FAAH2: variants seen among roughly 807,000 people sequenced by gnomAD.
FAAH2 encodes fatty-acid amide hydrolase 2.
Under a neutral mutation model 36.9 loss-of-function variants are expected in FAAH2, and 60 were observed. That is an observed-to-expected ratio of 1.63 (90% confidence interval 1.32 to 2.02). The LOEUF (loss-of-function observed/expected upper bound fraction) is 2.02. Among genes scored for constraint, FAAH2 ranks in the 30% most tolerant of loss-of-function variants. The pLI is 0.00. For synonymous variants in FAAH2, 214 were observed against 143.8 expected, an observed-to-expected ratio of 1.49 and a Z score of -3.49; for missense variants, 689 against 397.5, an observed-to-expected ratio of 1.73 and a Z score of -6.23.
the FAAH2 span, among the ~76,000 whole-genome samples, chrX:57,261,782 G>A: frequency 9.1e-6 from 1 of 110,366 alleles, no homozygotes; most frequent in Admixed American, 9.7e-5. Context: ...TGAAAGATAA[G>A]TTTAAAGGTA....
intron 8 of FAAH2, among the ~76,000 whole-genome samples, chrX:57,432,811 G>T (rs769185900): frequency 1.8e-4 from 20 of 110,963 alleles, no homozygotes; most frequent in Non-Finnish European, 3.2e-4. Context: ...GTTATCTTGG[G>T]CAAGTTACTT....
chrX:57,185,400 C>G, the FAAH2 span, among the ~76,000 whole-genome samples: 1 of 110,561 alleles, frequency 9.0e-6, no homozygotes, highest in Non-Finnish European at 1.9e-5. Flanking sequence ...ATCCTTGTTG[C>G]AAATTAAAGG....
chrX:57,347,126 A>G (rs755186706), intron 5 of FAAH2, among the ~76,000 whole-genome samples: 2 of 111,534 alleles, frequency 1.8e-5, no homozygotes, highest in African/African-American at 6.5e-5. Context: ...AAGATTAGGA[A>G]AATTTTTATG....
chrX:57,205,976 T>C, the FAAH2 span, among the ~76,000 whole-genome samples: 1 of 112,005 alleles, frequency 8.9e-6, no homozygotes, highest in Non-Finnish European at 1.9e-5. Context: ...TTAGAGTCTG[T>C]GAATTAGTAT....
At chrX:57,371,855 T>C (rs758812888) in intron 5 of FAAH2, among the ~76,000 whole-genome samples, 1 of 111,723 alleles carries the variant, frequency 9.0e-6, no homozygotes, top group East Asian at 2.8e-4. Flanking sequence ...TATGTCAATG[T>C]TTACCCAATG....
intron 8 of FAAH2, among the ~76,000 whole-genome samples, chrX:57,439,485 G>C (rs1281193007): frequency 9.0e-6 from 1 of 111,649 alleles, no homozygotes; most frequent in Non-Finnish European, 1.9e-5. Context: ...GGAGTCCATT[G>C]TAGATTCTGG....
chrX:57,131,893 G>T, the FAAH2 span, among the ~76,000 whole-genome samples: 7 of 112,122 alleles, frequency 6.2e-5, no homozygotes, highest in Non-Finnish European at 1.9e-5. Context: ...CTAAGGAAAA[G>T]AGTTGGAGGA....
At chrX:57,403,655 G>C (rs186802614) in intron 7 of FAAH2, among the ~76,000 whole-genome samples, 2 of 112,396 alleles carry the variant, frequency 1.8e-5, no homozygotes, top group African/African-American at 6.5e-5. Context: ...CAAACAGCTC[G>C]CACGTTTGAG....
rs1373885979 is a variant in FAAH2, at chrX:57,310,676, A to G, written c.359A>G (p.Lys120Arg). Residue 120 changes from lysine (K) to arginine (R), a missense_variant, in exon 3 of 11, where the codon AAA becomes AGA. Lys to Arg is a conservative substitution (Grantham distance 26). Transcript: ENST00000374900. ...GAAGATGAAGCCACCCTGGAAAATA[A>G]ATGGCCCTTCCTTGGGGTTCCTTTG... ...KQEDEATLEN[K>R]WPFLGVPLTV... is the part of the protein sequence containing the mutation. The G allele has an allele frequency of 8.3e-7, 1 of 1,209,921 alleles. No homozygotes were observed. The highest frequency in any genetic ancestry group is 3.0e-5 in the East Asian group (1 of 33,767).
chrX:57,192,898 AT>A, the FAAH2 span, among the ~76,000 whole-genome samples: 2 of 111,890 alleles, frequency 1.8e-5, no homozygotes, highest in African/African-American at 6.5e-5. Flanking sequence ...TAATCCTGTC[AT>A]CTCATAAGCT....
intron 7 of FAAH2, among the ~76,000 whole-genome samples, chrX:57,406,088 G>C (rs1241011323): frequency 9.0e-6 from 1 of 110,869 alleles, no homozygotes; most frequent in East Asian, 2.9e-4. Context: ...TCTTAGTTTT[G>C]AAATTGCCAT....
At chrX:57,286,705 T>C (rs1487064310), upstream of FAAH2, 1 of 685,030 alleles carries the variant, frequency 1.5e-6, no homozygotes, top group African/African-American at 2.3e-5. Context: ...GAATTGTGGG[T>C]AGACACTGGA....
At chrX:57,418,386 G>A (rs916996365) in intron 7 of FAAH2, among the ~76,000 whole-genome samples, 1 of 111,775 alleles carries the variant, frequency 8.9e-6, no homozygotes, top group Non-Finnish European at 1.9e-5. Context: ...CTCCTGGTCT[G>A]TGGGTTTTGA....
In FAAH2 at chrX:57,380,928, A is replaced by G. The variant is rs2054828843; in HGVS notation, c.895A>G (p.Lys299Glu). The G allele has an allele frequency of 8.4e-7, 1 of 1,186,530 alleles. No individual in the cohort carries two copies. Residue 299 changes from lysine (K) to glutamate (E), a missense_variant, in exon 7 of 11, where the codon AAG (lysine) becomes GAG (glutamate). Lys to Glu is a moderately conservative substitution (Grantham distance 56, BLOSUM62 1). Transcript: ENST00000374900. ...PGIKRLKLDTKVHLKDLKFYW... is the reference protein window; with the variant it reads ...PGIKRLKLDTEVHLKDLKFYW... Reference sequence around the variant, plus strand: ...CCTACACAGGTTAAAACTAGACACAAAGGTACATTTAAAAGACTTAAAATT... The same window carrying G: ...CCTACACAGGTTAAAACTAGACACAGAGGTACATTTAAAAGACTTAAAATT...
At chrX:57,487,433 T>C (rs1008315824) in intron 10 of FAAH2, among the ~76,000 whole-genome samples, 5 of 111,852 alleles carry the variant, frequency 4.5e-5, no homozygotes, top group African/African-American at 1.3e-4. Flanking sequence ...AACTCAATAA[T>C]AAGACGATAA....
At chrX:57,394,482 T>G in intron 7 of FAAH2, 1 of 1,204,326 alleles carries the variant, frequency 8.3e-7, no homozygotes, top group Non-Finnish European at 1.1e-6. Flanking sequence ...GATCGTGATA[T>G]ATCAATGTCA....
intron 4 of FAAH2, among the ~76,000 whole-genome samples, chrX:57,333,608 A>T (rs916769083): frequency 2.7e-5 from 3 of 110,685 alleles, no homozygotes; most frequent in African/African-American, 9.8e-5. Context: ...ATAAAAAAAA[A>T]ATATAACAGA....
intron 5 of FAAH2, among the ~76,000 whole-genome samples, chrX:57,377,214 C>T (rs1212706805): frequency 8.9e-6 from 1 of 112,040 alleles, no homozygotes; most frequent in African/African-American, 3.2e-5. Flanking sequence ...GTCATGAAGT[C>T]TTTGCCCATG....
the FAAH2 span, among the ~76,000 whole-genome samples, chrX:57,244,779 C>T: frequency 3.6e-5 from 4 of 111,498 alleles, no homozygotes; most frequent in Admixed American, 9.5e-5. Context: ...AAAAACATAC[C>T]AAATTGTAAA....
Sources: gnomAD v4.1 joint callset for allele counts (sites outside exome capture counted in the v4.1 genomes callset) on GRCh38, gnomAD v4.1.1 for gene constraint, MANE v1.5 for transcripts, NCBI Gene and HGNC (gene_info 2026-07-23, HGNC 2026-07-21) for gene names.